Variants in MSRA observed in about 807,000 individuals in gnomAD.
The protein encoded by MSRA is methionine sulfoxide reductase A.
Under a neutral mutation model 31.3 loss-of-function variants are expected in MSRA, and 54 were observed. That is an observed-to-expected ratio of 1.73 (90% confidence interval 1.39 to 2.17). The LOEUF is 2.17. Among genes scored for constraint, MSRA ranks in the 30% most tolerant of loss-of-function variants. MSRA has a pLI of 0.00. For missense variants in MSRA, 507 were observed against 300.9 expected (o/e 1.69, Z -5.07); for synonymous variants, 169 against 116.5 (o/e 1.45, Z -2.90).
chr8:10,204,047 C>A (rs1188933201), intron 1 of MSRA, among the ~76,000 whole-genome samples: 1 of 151,122 alleles, frequency 6.6e-6, no homozygotes, highest in Non-Finnish European at 1.5e-5. Context: ...AAGAAGTTTT[C>A]AACAGAAAAT....
At chr8:10,121,957 A>T (rs763068584) in intron 1 of MSRA, among the ~76,000 whole-genome samples, 13 of 151,968 alleles carry the variant, frequency 8.6e-5, no homozygotes, top group Non-Finnish European at 1.6e-4. Context: ...CTGGGGTTAC[A>T]GGCATGAGCC....
chr8:10,246,100 A>G lies in MSRA; in HGVS notation c.331+877A>G, dbSNP rs576698541. Among the ~76,000 whole-genome samples the G allele has an allele frequency of 1.1e-4, 17 of 152,356 alleles. No individual in the cohort carries two copies. The South Asian group carries it at 3.3e-3, about 30-fold the overall frequency. On this transcript the variant is annotated intron_variant, in intron 3 of 5. Coordinates refer to ENST00000317173, the MANE Select transcript of MSRA (RefSeq NM_012331.5). The stretch of plus-strand genomic sequence containing the variant: ...GCCAAATCCCACTTGCTGCCTATCT[A>G]TATAAGTAAATTTTTGTTGAAGCAC...
At chr8:10,350,875 G>A (rs1050515109) in intron 5 of MSRA, among the ~76,000 whole-genome samples, 1 of 152,244 alleles carries the variant, frequency 6.6e-6, no homozygotes, top group Non-Finnish European at 1.5e-5. Flanking sequence ...CTAGTCAGCT[G>A]TCAGGGAGGG....
chr8:10,074,058 C>CTTTT lies in MSRA; in HGVS notation c.142+19437_142+19440dup, dbSNP rs534642712. 2.0e-4 allele frequency among the ~76,000 whole-genome samples: 6 copies of CTTTT among 29,450 alleles called. 1 individual carries two copies. The highest frequency in any genetic ancestry group is 3.1e-4 in the Non-Finnish European group (5 of 16,368). The allele number at this position is 29,450 out of a possible 152,430, so 19.3% of individuals were successfully genotyped here. On this transcript the variant is annotated intron_variant, in intron 1 of 5. Coordinates refer to ENST00000317173, the MANE Select transcript of MSRA (RefSeq NM_012331.5). ...CATTTTGTTTTGTCTAAGGGAGGTG[C>CTTTT]TTTTTTTTTTTTTTTTTTTTTTTTT... is the stretch of plus-strand genomic sequence containing the variant.
intron 1 of MSRA, among the ~76,000 whole-genome samples, chr8:10,081,943 C>T (rs1320401380): frequency 1.3e-5 from 2 of 152,142 alleles, no homozygotes; most frequent in Non-Finnish European, 2.9e-5. Flanking sequence ...GTGGCTCATG[C>T]CTGTGTCCCA....
intron 5 of MSRA, among the ~76,000 whole-genome samples, chr8:10,356,901 AAAAAAAAAAT>A (rs1804541169): frequency 7.6e-6 from 1 of 131,272 alleles, no homozygotes; most frequent in African/African-American, 2.7e-5. Context: ...AAAAAAAAAA[AAAAAAAAAAT>A]ATATGTGTCT....
intron 5 of MSRA, chr8:10,320,303 A>C: frequency 5.8e-6 from 1 of 173,910 alleles, no homozygotes; most frequent in South Asian, 1.7e-4. Flanking sequence ...CCCCATCTCT[A>C]CAAAAAATAC....
intron 1 of MSRA, among the ~76,000 whole-genome samples, chr8:10,140,825 G>A (rs1253304851): frequency 3.9e-5 from 6 of 151,990 alleles, no homozygotes; most frequent in Non-Finnish European, 8.8e-5. Context: ...GCTAAAAATA[G>A]AAATGAGTGA....
chr8:10,065,517 A>C (rs1797412334), intron 1 of MSRA, among the ~76,000 whole-genome samples: 1 of 152,236 alleles, frequency 6.6e-6, no homozygotes, highest in South Asian at 2.1e-4. Flanking sequence ...TGTTTGCTGC[A>C]GTAGTTTTGG....
At chr8:10,087,218 C>T (rs1798607452) in intron 1 of MSRA, among the ~76,000 whole-genome samples, 1 of 152,180 alleles carries the variant, frequency 6.6e-6, no homozygotes, top group South Asian at 2.1e-4. Context: ...ACTATAAATA[C>T]AACAAATACC....
At chr8:10,082,178 C>G (rs1025159082) in intron 1 of MSRA, among the ~76,000 whole-genome samples, 18 of 152,148 alleles carry the variant, frequency 1.2e-4, no homozygotes, top group Non-Finnish European at 4.4e-5. Flanking sequence ...ATACTCCAGT[C>G]TGGGTGGTAG....
At chr8:10,243,710 G>A (rs1797459966) in intron 2 of MSRA, among the ~76,000 whole-genome samples, 1 of 152,040 alleles carries the variant, frequency 6.6e-6, no homozygotes, top group African/African-American at 2.4e-5. Context: ...TATCACTTTA[G>A]TATACTTAGT....
At chr8:10,322,131 C>T (rs566011539) in intron 5 of MSRA, among the ~76,000 whole-genome samples, 3 of 152,288 alleles carry the variant, frequency 2.0e-5, no homozygotes, top group African/African-American at 7.2e-5. Context: ...CACATGTCAT[C>T]TGTGCAGTTT....
chr8:10,060,850 A>G (rs561473042), intron 1 of MSRA, among the ~76,000 whole-genome samples: 1 of 152,158 alleles, frequency 6.6e-6, no homozygotes, highest in South Asian at 2.1e-4. Flanking sequence ...CAAAGAACAG[A>G]TCTTTGAGGA....
intron 5 of MSRA, among the ~76,000 whole-genome samples, chr8:10,416,626 G>A (rs913256581): frequency 2.6e-5 from 4 of 152,224 alleles, no homozygotes; most frequent in Non-Finnish European, 2.9e-5. Flanking sequence ...AGCAGGTCCC[G>A]TGGGTGACCT....
chr8:10,296,152 C>T (rs1032352289), intron 3 of MSRA, among the ~76,000 whole-genome samples: 1 of 152,108 alleles, frequency 6.6e-6, no homozygotes, highest in Non-Finnish European at 1.5e-5. Flanking sequence ...AGAGGAAGCT[C>T]AGTGCCCAGA....
At chr8:10,115,069 C>G (rs958207107) in intron 1 of MSRA, among the ~76,000 whole-genome samples, 4 of 152,098 alleles carry the variant, frequency 2.6e-5, no homozygotes, top group African/African-American at 4.8e-5. Flanking sequence ...AAAGAGAAGT[C>G]CCAGGTTAAC....
At chr8:10,097,061 C>T (rs936513503) in intron 1 of MSRA, among the ~76,000 whole-genome samples, 32 of 152,162 alleles carry the variant, frequency 2.1e-4, no homozygotes, top group South Asian at 8.3e-4. Flanking sequence ...CAATAAAAAC[C>T]TGTCTATAGC....
intron 2 of MSRA, among the ~76,000 whole-genome samples, chr8:10,238,823 T>C (rs1209190986): frequency 1.3e-5 from 2 of 152,150 alleles, no homozygotes; most frequent in East Asian, 1.9e-4. Flanking sequence ...ATATAGGATA[T>C]TATCTTTATC....
Sources: gnomAD v4.1 joint callset for allele counts (sites outside exome capture counted in the v4.1 genomes callset) on GRCh38, gnomAD v4.1.1 for gene constraint, MANE v1.5 for transcripts, NCBI Gene and HGNC (gene_info 2026-07-23, HGNC 2026-07-21) for gene names.